GRID2: variants seen among roughly 807,000 people sequenced by gnomAD.
The protein encoded by GRID2 is glutamate ionotropic receptor delta type subunit 2.
GRID2 carries 33 observed loss-of-function variants against 114.8 expected under a neutral mutation model. The observed-to-expected ratio is 0.29, with a 90% CI of 0.22 to 0.38. The LOEUF (loss-of-function observed/expected upper bound fraction) is 0.38. GRID2 is among the 10% of genes least tolerant of loss of function. The pLI, the probability that GRID2 is intolerant of heterozygous loss-of-function variation, is 1.00. For synonymous variants in GRID2, 505 were observed against 449.9 expected (o/e 1.12, Z -1.55); for missense variants, 1,184 against 1,257.7 (o/e 0.94, Z 0.89).
At chr4:92,941,782 T>A (rs1483092027) in intron 2 of GRID2, among the ~76,000 whole-genome samples, 1 of 152,182 alleles carries the variant, frequency 6.6e-6, no homozygotes, top group African/African-American at 2.4e-5. Context: ...TTGTTCTCAT[T>A]GGTTTCAAAG....
intron 2 of GRID2, among the ~76,000 whole-genome samples, chr4:92,695,255 C>T (rs1378472451): frequency 1.3e-5 from 2 of 151,846 alleles, no homozygotes; most frequent in African/African-American, 2.4e-5. Context: ...TGTAAGCCAC[C>T]GTGCCTGGCC....
chr4:93,494,635 A>G (rs1727349778), intron 12 of GRID2, among the ~76,000 whole-genome samples: 1 of 151,788 alleles, frequency 6.6e-6, no homozygotes, highest in South Asian at 2.1e-4. Flanking sequence ...GCAGCACATC[A>G]TAACTATGTC....
chr4:93,271,082 A>G (rs1751413693), intron 8 of GRID2, among the ~76,000 whole-genome samples: 1 of 152,188 alleles, frequency 6.6e-6, no homozygotes, highest in South Asian at 2.1e-4. Context: ...CGCAGTGTTT[A>G]TGTGGAAATT....
intron 12 of GRID2, among the ~76,000 whole-genome samples, chr4:93,513,745 A>G (rs1729423992): frequency 6.6e-6 from 1 of 152,220 alleles, no homozygotes; most frequent in Non-Finnish European, 1.5e-5. Flanking sequence ...AATAAAATGC[A>G]GATAAAAGTT....
intron 1 of GRID2, among the ~76,000 whole-genome samples, chr4:92,541,100 A>C: frequency 6.6e-6 from 1 of 152,142 alleles, no homozygotes; most frequent in East Asian, 1.9e-4. Flanking sequence ...CAATGAGAAC[A>C]CATGGACACA....
chr4:92,443,753 G>A (rs1470899691), intron 1 of GRID2, among the ~76,000 whole-genome samples: 1 of 152,170 alleles, frequency 6.6e-6, no homozygotes, highest in Non-Finnish European at 1.5e-5. Context: ...AGAAAAGCAG[G>A]ACTTGCCGCT....
intron 1 of GRID2, among the ~76,000 whole-genome samples, chr4:92,415,917 A>G (rs1214882137): frequency 2.0e-5 from 3 of 151,284 alleles, no homozygotes; most frequent in South Asian, 2.1e-4. Flanking sequence ...CCAGGTAGAT[A>G]CTCAGTCGTG....
intron 14 of GRID2, among the ~76,000 whole-genome samples, chr4:93,706,272 T>G (rs7670942): frequency 0.042 from 6,419 of 152,288 alleles, 221 homozygotes; most frequent in African/African-American, 0.085. Flanking sequence ...GCTTTGGATA[T>G]AATTGACATT....
At chr4:92,442,991 A>G (rs1311656302) in intron 1 of GRID2, among the ~76,000 whole-genome samples, 5 of 152,016 alleles carry the variant, frequency 3.3e-5, no homozygotes, top group Admixed American at 2.6e-4. Context: ...AAGAATTGGG[A>G]CCTAGCTCGG....
intron 10 of GRID2, among the ~76,000 whole-genome samples, chr4:93,437,791 A>G (rs1312634457): frequency 6.6e-6 from 1 of 152,070 alleles, no homozygotes; most frequent in Non-Finnish European, 1.5e-5. Flanking sequence ...TCTCAACCCT[A>G]GCTAAACTTG....
intron 8 of GRID2, among the ~76,000 whole-genome samples, chr4:93,318,138 T>G (rs1756875891): frequency 6.6e-6 from 1 of 151,250 alleles, no homozygotes; most frequent in African/African-American, 2.4e-5. Flanking sequence ...ATTTTTCTGT[T>G]AGCCTTGTAA....
At chr4:92,483,787 C>T (rs1355634715) in intron 1 of GRID2, among the ~76,000 whole-genome samples, 4 of 152,190 alleles carry the variant, frequency 2.6e-5, no homozygotes, top group African/African-American at 9.6e-5. Context: ...GGGAGGTAAA[C>T]AAGCAACAGA....
At chr4:93,074,747 C>T (rs1031830896) in intron 2 of GRID2, among the ~76,000 whole-genome samples, 2 of 152,062 alleles carry the variant, frequency 1.3e-5, no homozygotes, top group Non-Finnish European at 2.9e-5. Context: ...AACCTTTAGC[C>T]AGACTGGTTG....
intron 8 of GRID2, among the ~76,000 whole-genome samples, chr4:93,377,425 C>A (rs1385094809): frequency 6.6e-6 from 1 of 152,034 alleles, no homozygotes; most frequent in Non-Finnish European, 1.5e-5. Context: ...CACTGGAGAG[C>A]TAGCTGAGGT....
intron 1 of GRID2, among the ~76,000 whole-genome samples, chr4:92,410,981 A>C (rs181947419): frequency 6.6e-6 from 1 of 152,172 alleles, no homozygotes; most frequent in Non-Finnish European, 1.5e-5. Context: ...GAAAAAAACA[A>C]ACAGCAACAA....
At chr4:93,293,924 G>C (rs1754012431) in intron 8 of GRID2, among the ~76,000 whole-genome samples, 1 of 152,212 alleles carries the variant, frequency 6.6e-6, no homozygotes, top group African/African-American at 2.4e-5. Context: ...AGTGGTAGGA[G>C]ACAGAAACTA....
intron 1 of GRID2, among the ~76,000 whole-genome samples, chr4:92,397,284 A>G (rs1730537282): frequency 6.6e-6 from 1 of 151,858 alleles, no homozygotes; most frequent in African/African-American, 2.4e-5. Context: ...TATTAACTAT[A>G]TTAAAAGGAA....
chr4:92,747,225 A>T (rs948981999), intron 2 of GRID2, among the ~76,000 whole-genome samples: 9 of 152,004 alleles, frequency 5.9e-5, no homozygotes, highest in East Asian at 1.9e-4. Flanking sequence ...AATTATTTAT[A>T]AAAAAAGATA....
intron 5 of GRID2, among the ~76,000 whole-genome samples, chr4:93,207,823 T>G (rs1742990877): frequency 6.6e-6 from 1 of 151,946 alleles, no homozygotes; most frequent in Admixed American, 6.6e-5. Context: ...TTTCTAGAAC[T>G]GTTATGTCCA....
Sources: gnomAD v4.1 joint callset for allele counts (sites outside exome capture counted in the v4.1 genomes callset) on GRCh38, gnomAD v4.1.1 for gene constraint, MANE v1.5 for transcripts, NCBI Gene and HGNC (gene_info 2026-07-23, HGNC 2026-07-21) for gene names.